Variants in XKR6 observed in about 807,000 individuals in gnomAD.
XKR6 encodes the protein XK related 6.
A neutral mutation model predicts 56.7 loss-of-function variants in XKR6; 22 were observed. The observed-to-expected ratio is 0.39, with a 90% CI of 0.28 to 0.55. The LOEUF (loss-of-function observed/expected upper bound fraction) is 0.55, where lower values mean the gene tolerates loss of function less well. Among genes scored for constraint, XKR6 ranks in the 20% least tolerant of loss-of-function variants. The pLI is 0.66. For synonymous variants in XKR6, 524 were observed against 387.8 expected, an observed-to-expected ratio of 1.35 and a Z score of -4.13; for missense variants, 852 against 889.0, an observed-to-expected ratio of 0.96 and a Z score of 0.53.
chr8:11,140,502 G>C (rs1035513719), intron 1 of XKR6, among the ~76,000 whole-genome samples: 1 of 152,146 alleles, frequency 6.6e-6, no homozygotes, highest in Non-Finnish European at 1.5e-5. Context: ...GATACTTAAG[G>C]AAAGAAAATA....
intron 1 of XKR6, among the ~76,000 whole-genome samples, chr8:10,938,305 C>T (rs898698922): frequency 6.6e-6 from 1 of 152,188 alleles, no homozygotes; most frequent in African/African-American, 2.4e-5. Context: ...CTGTCTGGCA[C>T]TCCCTAGTGA....
chr8:11,043,341 G>C (rs566762360), intron 1 of XKR6, among the ~76,000 whole-genome samples: 28 of 152,240 alleles, frequency 1.8e-4, no homozygotes, highest in Middle Eastern at 6.8e-3. Context: ...TTGGAGCTAA[G>C]CGGCTGGATG....
chr8:11,070,556 T>A (rs1014402726), intron 1 of XKR6, among the ~76,000 whole-genome samples: 1 of 152,176 alleles, frequency 6.6e-6, no homozygotes, highest in Non-Finnish European at 1.5e-5. Flanking sequence ...CCAAAGCTAG[T>A]CTTTAGGCTG....
At chr8:11,196,894 G>C (rs60518845) in intron 1 of XKR6, among the ~76,000 whole-genome samples, 7 of 152,158 alleles carry the variant, frequency 4.6e-5, no homozygotes, top group African/African-American at 1.4e-4. Flanking sequence ...TCCCTACATA[G>C]AGGAGCAGAC....
intron 1 of XKR6, among the ~76,000 whole-genome samples, chr8:11,197,945 A>T (rs1010769097): frequency 2.6e-5 from 4 of 152,238 alleles, no homozygotes; most frequent in Non-Finnish European, 5.9e-5. Context: ...GGGTTAATGG[A>T]ATCAGTTTTG....
chr8:11,154,730 G>A (rs141729385), intron 1 of XKR6, among the ~76,000 whole-genome samples: 5 of 152,276 alleles, frequency 3.3e-5, no homozygotes, highest in African/African-American at 1.2e-4. Flanking sequence ...TAGAATACAT[G>A]TAATCCTCCT....
chr8:11,035,350 G>C, intron 1 of XKR6: 1 of 534,316 alleles, frequency 1.9e-6, no homozygotes, highest in Non-Finnish European at 3.8e-6. Flanking sequence ...CCATGCAGGA[G>C]CCAGGAGATC....
intron 1 of XKR6, among the ~76,000 whole-genome samples, chr8:11,082,281 A>C (rs1313361313): frequency 6.6e-6 from 1 of 152,174 alleles, no homozygotes; most frequent in Non-Finnish European, 1.5e-5. Flanking sequence ...ACATCTCCCA[A>C]AGTCTACGTG....
Position 10,977,507 on chromosome 8 carries a change from G to T in XKR6, c.765-52677C>A, listed in dbSNP as rs115170434. ...TGGGATGAGACTAAATTACAACCCTGGATGCAACCCAAAATATGTAACAAC... is the reference window on the plus strand; with the variant it reads ...TGGGATGAGACTAAATTACAACCCTTGATGCAACCCAAAATATGTAACAAC... On this transcript the variant is annotated intron_variant, in intron 1 of 2. Transcript: ENST00000416569. Among the ~76,000 whole-genome samples the T allele has an allele frequency of 1.0e-3, 158 of 151,626 alleles. 1 individual carries two copies. The highest frequency in any genetic ancestry group is 3.7e-3 in the African/African-American group (154 of 41,354).
intron 1 of XKR6, among the ~76,000 whole-genome samples, chr8:11,055,710 G>T (rs1799664801): frequency 1.3e-5 from 2 of 152,076 alleles, no homozygotes; most frequent in East Asian, 3.9e-4. Flanking sequence ...GCTTGCACAG[G>T]GCACATGGGC....
chr8:11,070,301 G>C (rs1337852955), intron 1 of XKR6, among the ~76,000 whole-genome samples: 1 of 152,118 alleles, frequency 6.6e-6, no homozygotes, highest in Non-Finnish European at 1.5e-5. Context: ...GAGAGGTTTA[G>C]GTAAAAGAGA....
At chr8:11,130,068 C>A (rs1380194786) in intron 1 of XKR6, among the ~76,000 whole-genome samples, 1 of 152,080 alleles carries the variant, frequency 6.6e-6, no homozygotes, top group Non-Finnish European at 1.5e-5. Flanking sequence ...GAAAGGTAAT[C>A]TCATTACATA....
At chr8:11,132,301 C>T (rs1383630057) in intron 1 of XKR6, among the ~76,000 whole-genome samples, 1 of 152,140 alleles carries the variant, frequency 6.6e-6, no homozygotes, top group African/African-American at 2.4e-5. Context: ...CACTATTCTA[C>T]AGTCTGTACT....
At chr8:10,986,953 A>C (rs528490438) in intron 1 of XKR6, among the ~76,000 whole-genome samples, 136 of 150,954 alleles carry the variant, frequency 9.0e-4, no homozygotes, top group Non-Finnish European at 1.2e-3. Context: ...TTTTTTTAAC[A>C]TTTAAATAGT....
chr8:11,047,775 T>C (rs141431952), intron 1 of XKR6, among the ~76,000 whole-genome samples: 353 of 152,270 alleles, frequency 2.3e-3, no homozygotes, highest in African/African-American at 8.1e-3. Flanking sequence ...AAATGGTAAA[T>C]TTAATATATG....
intron 1 of XKR6, among the ~76,000 whole-genome samples, chr8:11,178,239 T>G (rs1287764049): frequency 6.6e-6 from 1 of 152,042 alleles, no homozygotes; most frequent in Non-Finnish European, 1.5e-5. Context: ...CAACAACAAA[T>G]CTGTCTACTC....
chr8:10,912,461 A>G (rs1800419482), intron 2 of XKR6, among the ~76,000 whole-genome samples: 1 of 121,764 alleles, frequency 8.2e-6, no homozygotes, highest in Non-Finnish European at 1.7e-5. Flanking sequence ...ATATATATAT[A>G]TATATAGAGA....
chr8:10,941,436 G>C (rs967329422), intron 1 of XKR6, among the ~76,000 whole-genome samples: 33 of 152,246 alleles, frequency 2.2e-4, no homozygotes, highest in African/African-American at 8.0e-4. Context: ...GGAACTGGCT[G>C]ATGGCATCCA....
chr8:11,137,491 T>C, intron 1 of XKR6: 3 of 447,222 alleles, frequency 6.7e-6, no homozygotes, highest in South Asian at 4.8e-5. Flanking sequence ...GAGAATAGAA[T>C]CTCTGCTACA....
Sources: gnomAD v4.1 joint callset for allele counts (sites outside exome capture counted in the v4.1 genomes callset) on GRCh38, gnomAD v4.1.1 for gene constraint, MANE v1.5 for transcripts, NCBI Gene and HGNC (gene_info 2026-07-23, HGNC 2026-07-21) for gene names.